FANCC: variants seen among roughly 807,000 people sequenced by gnomAD.
FANCC encodes Fanconi anemia group C protein.
A neutral mutation model predicts 71.3 loss-of-function variants in FANCC; 55 were observed. The observed-to-expected ratio is 0.77, with a 90% CI of 0.62 to 0.97. The LOEUF (loss-of-function observed/expected upper bound fraction) is 0.97, where lower values mean the gene tolerates loss of function less well. FANCC is among the 50% of genes least tolerant of loss of function. The pLI is 0.00. For missense variants in FANCC, 678 were observed against 670.9 expected, an observed-to-expected ratio of 1.01 and a Z score of -0.12; for synonymous variants, 275 against 244.9, an observed-to-expected ratio of 1.12 and a Z score of -1.15.
chr9:95,129,320 C>T (rs1019048415), intron 8 of FANCC, among the ~76,000 whole-genome samples: 6 of 152,152 alleles, frequency 3.9e-5, no homozygotes, highest in Admixed American at 3.9e-4. Flanking sequence ...TATGTCCCAG[C>T]GACATCAAAT....
intron 6 of FANCC, among the ~76,000 whole-genome samples, chr9:95,160,644 T>G (rs1428597430): frequency 6.6e-6 from 1 of 152,236 alleles, no homozygotes; most frequent in Non-Finnish European, 1.5e-5. Flanking sequence ...ATGATATTGA[T>G]TCTTCCTATC....
intron 6 of FANCC, among the ~76,000 whole-genome samples, chr9:95,159,152 G>C (rs1049153711): frequency 6.6e-6 from 1 of 151,892 alleles, no homozygotes; most frequent in Non-Finnish European, 1.5e-5. Flanking sequence ...CATTTACATT[G>C]GGTATTTCTC....
At position 95,107,210 on chromosome 9, in the gene FANCC, TGA is replaced by T. The variant is rs730881710; in HGVS notation, c.1387_1388del (p.Ala464ProfsTer53). On this transcript the variant is annotated frameshift_variant, in exon 14 of 15. Coordinates refer to ENST00000289081, the MANE Select transcript of FANCC (RefSeq NM_000136.3). LOFTEE classifies it high-confidence loss of function. ...CTGCTACCGTCTGCAGGTCCTGGGC[TGA>T]GAGGCTGCTGCTTCTGGACATTGCC... ...LLAMSRSSSL[S>X]AQDLQTVAGQ... is the part of the protein sequence containing the mutation. The T allele has an allele frequency of 1.9e-6, 3 of 1,614,188 alleles. No individual in the cohort carries two copies. The highest frequency in any genetic ancestry group is 1.7e-6 in the Non-Finnish European group (2 of 1,180,036).
At chr9:95,203,677 GATA>G (rs899703015) in intron 4 of FANCC, among the ~76,000 whole-genome samples, 18 of 152,070 alleles carry the variant, frequency 1.2e-4, no homozygotes, top group African/African-American at 2.7e-4. Flanking sequence ...ATTAATATGA[GATA>G]ATAACCCTTT....
intron 7 of FANCC, among the ~76,000 whole-genome samples, chr9:95,144,382 A>G (rs1829220899): frequency 6.6e-6 from 1 of 152,172 alleles, no homozygotes; most frequent in Non-Finnish European, 1.5e-5. Context: ...AATAAATTTT[A>G]TGAGTTGTTG....
In FANCC at chr9:95,196,412, A is replaced by G. The variant is rs576027037; in HGVS notation, c.346-24265T>C. ...GGTGGATTACACTGATTGATTTATA[A>G]TATTTTAAAGTCTGAGTCTTAACGC... is the stretch of plus-strand genomic sequence containing the variant. On this transcript the variant is annotated intron_variant, in intron 4 of 14. Coordinates refer to ENST00000289081, the MANE Select transcript of FANCC (RefSeq NM_000136.3). 6.6e-5 allele frequency among the ~76,000 whole-genome samples: 10 copies of G among 152,224 alleles called. No homozygotes were observed. The South Asian group carries it at 1.7e-3, about 25-fold the overall frequency.
intron 1 of FANCC, among the ~76,000 whole-genome samples, chr9:95,271,547 A>G (rs1028825021): frequency 1.3e-5 from 2 of 152,190 alleles, no homozygotes; most frequent in Admixed American, 6.5e-5. Flanking sequence ...GAATGTGGCC[A>G]TGTCAGTTTT....
At chr9:95,250,061 A>G (rs1244620183) in intron 1 of FANCC, among the ~76,000 whole-genome samples, 10 of 152,202 alleles carry the variant, frequency 6.6e-5, no homozygotes, top group Non-Finnish European at 1.5e-4. Flanking sequence ...ATAAAATCTC[A>G]TAAGCCTGAC....
At chr9:95,104,720 G>C (rs1020546868) in intron 14 of FANCC, among the ~76,000 whole-genome samples, 2 of 152,134 alleles carry the variant, frequency 1.3e-5, no homozygotes, top group African/African-American at 4.8e-5. Context: ...CACCCTGTCG[G>C]CAGGGCTGGA....
chr9:95,277,550 T>C (rs1408163308), intron 1 of FANCC, among the ~76,000 whole-genome samples: 5 of 152,194 alleles, frequency 3.3e-5, no homozygotes, highest in Non-Finnish European at 5.9e-5. Context: ...CCCAAATTTA[T>C]TGGCACTTGG....
intron 4 of FANCC, among the ~76,000 whole-genome samples, chr9:95,229,508 A>G (rs1829858024): frequency 6.6e-6 from 1 of 152,152 alleles, no homozygotes; most frequent in Non-Finnish European, 1.5e-5. Context: ...GGAGAGTAAG[A>G]GCAGCCAAGG....
At chr9:95,128,552 T>C (rs1381451689) in intron 8 of FANCC, among the ~76,000 whole-genome samples, 3 of 152,202 alleles carry the variant, frequency 2.0e-5, no homozygotes, top group Non-Finnish European at 4.4e-5. Context: ...AAAATGATGA[T>C]CAGATGTAGA....
At chr9:95,154,564 TTGAA>T (rs1184867495) in intron 6 of FANCC, among the ~76,000 whole-genome samples, 4 of 152,110 alleles carry the variant, frequency 2.6e-5, no homozygotes, top group Admixed American at 2.0e-4. Context: ...ATCTCAAAAG[TTGAA>T]TGAATGAAGA....
At chr9:95,295,768 A>AT in intron 1 of FANCC, among the ~76,000 whole-genome samples, 1 of 151,000 alleles carries the variant, frequency 6.6e-6, no homozygotes, top group Non-Finnish European at 1.5e-5. Context: ...CCCTGTATCA[A>AT]TTAAAAAAAA....
At chr9:95,157,836 A>C (rs183652586) in intron 6 of FANCC, among the ~76,000 whole-genome samples, 269 of 152,230 alleles carry the variant, frequency 1.8e-3, no homozygotes, top group Non-Finnish European at 2.9e-3. Flanking sequence ...GATTTTTTAA[A>C]TTTTTCAGGA....
At chr9:95,188,405 C>T (rs990874741) in intron 4 of FANCC, among the ~76,000 whole-genome samples, 1 of 152,140 alleles carries the variant, frequency 6.6e-6, no homozygotes, top group African/African-American at 2.4e-5. Context: ...CAACTTCATA[C>T]TGAAAACATC....
At chr9:95,213,733 T>C (rs750628830) in intron 4 of FANCC, among the ~76,000 whole-genome samples, 11 of 152,188 alleles carry the variant, frequency 7.2e-5, no homozygotes, top group Non-Finnish European at 1.2e-4. Flanking sequence ...CAAAGCTTTA[T>C]GACAACAGAT....
At chr9:95,216,315 C>A (rs1022274244) in intron 4 of FANCC, among the ~76,000 whole-genome samples, 3 of 152,156 alleles carry the variant, frequency 2.0e-5, no homozygotes, top group Non-Finnish European at 4.4e-5. Context: ...TGTGTTTATA[C>A]ACAGTTACAG....
chr9:95,248,955 A>C (rs1831161525), intron 2 of FANCC, among the ~76,000 whole-genome samples, 172 bp downstream of exon 2: 1 of 152,172 alleles, frequency 6.6e-6, no homozygotes, highest in African/African-American at 2.4e-5. Context: ...AATTATAATA[A>C]TATAATAAAT....
Sources: gnomAD v4.1 joint callset for allele counts (sites outside exome capture counted in the v4.1 genomes callset) on GRCh38, gnomAD v4.1.1 for gene constraint, MANE v1.5 for transcripts, NCBI Gene and HGNC (gene_info 2026-07-23, HGNC 2026-07-21) for gene names.